The following COLEC12 variants were observed in gnomAD, a reference collection of about 807,000 sequenced individuals.
COLEC12 encodes collectin subfamily member 12, also known as collectin-12.
Under a neutral mutation model 71.1 loss-of-function variants are expected in COLEC12, and 33 were observed. The observed-to-expected ratio is 0.46, with a 90% CI of 0.35 to 0.62. COLEC12 has a LOEUF of 0.62. Ranked by LOEUF, COLEC12 falls within the 20% of genes least tolerant of loss-of-function variation. The pLI, the probability that COLEC12 is intolerant of heterozygous loss-of-function variation, is 0.00. For synonymous variants in COLEC12, 350 were observed against 353.0 expected (o/e 0.99, Z 0.10); for missense variants, 765 against 916.1 (o/e 0.84, Z 2.13).
chr18:482,147 G>A (rs1207076961), intron 1 of COLEC12, among the ~76,000 whole-genome samples: 2 of 147,018 alleles, frequency 1.4e-5, no homozygotes, highest in African/African-American at 5.0e-5. Flanking sequence ...ATGGAATATC[G>A]CTCTGTTGCT....
intron 2 of COLEC12, among the ~76,000 whole-genome samples, chr18:444,019 C>T (rs189034115): frequency 2.0e-5 from 3 of 152,290 alleles, no homozygotes; most frequent in South Asian, 2.1e-4. Context: ...CGAGTGTTGT[C>T]GGTGCCATGC....
At chr18:427,448 G>A (rs765609745) in intron 2 of COLEC12, among the ~76,000 whole-genome samples, 40 of 152,200 alleles carry the variant, frequency 2.6e-4, no homozygotes, top group African/African-American at 8.2e-4. Context: ...TCAAGTCCAC[G>A]TTGATAGGTG....
chr18:366,193 A>T (rs879768096), intron 2 of COLEC12, among the ~76,000 whole-genome samples: 3 of 152,216 alleles, frequency 2.0e-5, no homozygotes, highest in Admixed American at 6.5e-5. Context: ...ATGCTATAGT[A>T]AAAACAAGGC....
intron 2 of COLEC12, among the ~76,000 whole-genome samples, chr18:381,442 C>A (rs2143561859): frequency 6.6e-6 from 1 of 152,064 alleles, no homozygotes; most frequent in South Asian, 2.1e-4. Flanking sequence ...TCACACTGTA[C>A]CCCATCAATA....
chr18:399,447 T>C lies in COLEC12; in HGVS notation c.59-41925A>G, dbSNP rs7228167. On this transcript the variant is annotated intron_variant, in intron 2 of 9. Transcript: ENST00000400256. The surrounding 1 kb of genome is among the most constrained non-coding windows in gnomAD (Gnocchi z 4.0). ...TGGAATCCTTCCTTGTCAAACCAGCTCCAAGAGCAGGCCACACTCTGCTGT... is the reference window on the plus strand; with the variant it reads ...TGGAATCCTTCCTTGTCAAACCAGCCCCAAGAGCAGGCCACACTCTGCTGT... Among the ~76,000 whole-genome samples, 46,792 of 152,058 alleles carry C rather than the reference T, an allele frequency of 0.31. 9,013 individuals are homozygous for C. The highest frequency in any genetic ancestry group is 0.56 in the South Asian group (2,713 of 4,824).
intron 2 of COLEC12, among the ~76,000 whole-genome samples, chr18:472,199 C>T (rs577942397): frequency 3.9e-5 from 6 of 152,238 alleles, no homozygotes; most frequent in East Asian, 1.9e-4. Flanking sequence ...GCTACTCACT[C>T]GTAACTGGCA....
intron 2 of COLEC12, among the ~76,000 whole-genome samples, chr18:414,329 C>T (rs2143641499): frequency 6.6e-6 from 1 of 152,266 alleles, no homozygotes; most frequent in Non-Finnish European, 1.5e-5. Context: ...GTGGCTCACA[C>T]CTGTAATCCT....
chr18:399,346 G>A lies in COLEC12; in HGVS notation c.59-41824C>T, dbSNP rs1432110367. Among the ~76,000 whole-genome samples, 1 of 152,210 alleles carries A rather than the reference G, an allele frequency of 6.6e-6. No individual in the cohort carries two copies. Among genetic ancestry groups the A allele is most frequent in the African/African-American group, 2.4e-5 (1 of 41,446 alleles). On this transcript the variant is annotated intron_variant, in intron 2 of 9. Coordinates refer to ENST00000400256, the MANE Select transcript of COLEC12 (RefSeq NM_130386.3). This position sits in a 1 kb window ranked among gnomAD's most constrained non-coding sequence, Gnocchi z 4.0. Reference sequence around the variant, plus strand: ...CAAGGGCCAGGAAAGCAGGCCAGACGAGAGGCTTTTTGGAAGGGTTCTCAT... The same window carrying A: ...CAAGGGCCAGGAAAGCAGGCCAGACAAGAGGCTTTTTGGAAGGGTTCTCAT...
At chr18:421,072 AACAAAGCCAC>A (rs1916089647) in intron 2 of COLEC12, among the ~76,000 whole-genome samples, 1 of 152,208 alleles carries the variant, frequency 6.6e-6, no homozygotes, top group Admixed American at 6.5e-5. Context: ...AAAGGCAGTG[AACAAAGCCAC>A]ACAGCTTTAA....
chr18:321,975 C>T (rs1913717026), intron 8 of COLEC12, among the ~76,000 whole-genome samples, 168 bp from the exon 9 acceptor site: 1 of 152,190 alleles, frequency 6.6e-6, no homozygotes. Flanking sequence ...AAAGGAGCAG[C>T]TGTTTTGCAG....
chr18:476,259 T>C (rs1457068781), intron 2 of COLEC12, among the ~76,000 whole-genome samples: 1 of 152,230 alleles, frequency 6.6e-6, no homozygotes, highest in East Asian at 1.9e-4. Flanking sequence ...GAATGCTTCC[T>C]TTTACTTTCT....
chr18:411,068 C>T (rs566316070), intron 2 of COLEC12, among the ~76,000 whole-genome samples: 19 of 152,190 alleles, frequency 1.2e-4, no homozygotes, highest in African/African-American at 3.6e-4. Flanking sequence ...AAGAACCACA[C>T]GGAGAGCTGG....
intron 5 of COLEC12, among the ~76,000 whole-genome samples, chr18:345,233 T>G (rs559030706): frequency 2.0e-5 from 3 of 152,362 alleles, no homozygotes; most frequent in Admixed American, 6.5e-5. Flanking sequence ...ACTTAAAACC[T>G]GTGAAAATAG....
At chr18:471,803 C>A (rs1917203949) in intron 2 of COLEC12, among the ~76,000 whole-genome samples, 1 of 151,974 alleles carries the variant, frequency 6.6e-6, no homozygotes, top group Non-Finnish European at 1.5e-5. Context: ...AACCATTCCT[C>A]CCCAAGTAAT....
intron 5 of COLEC12, among the ~76,000 whole-genome samples, chr18:338,546 C>T (rs1235842373): frequency 2.0e-5 from 3 of 152,200 alleles, no homozygotes; most frequent in African/African-American, 4.8e-5. Flanking sequence ...TCCAGTGGGT[C>T]TCCACATCCA....
At chr18:368,833 T>C (rs961801460) in intron 2 of COLEC12, among the ~76,000 whole-genome samples, 41 of 152,150 alleles carry the variant, frequency 2.7e-4, no homozygotes, top group Non-Finnish European at 5.1e-4. Context: ...GTCACTGCAC[T>C]CCAGCCTGGG....
chr18:463,463 A>G (rs913825288), intron 2 of COLEC12, among the ~76,000 whole-genome samples: 1 of 152,222 alleles, frequency 6.6e-6, no homozygotes, highest in African/African-American at 2.4e-5. Flanking sequence ...ACACACACAC[A>G]GAGAGAAAAA....
chr18:430,657 C>A (rs1032307504), intron 2 of COLEC12, among the ~76,000 whole-genome samples: 2 of 152,142 alleles, frequency 1.3e-5, no homozygotes, highest in African/African-American at 4.8e-5. Flanking sequence ...ACCGAAAAGT[C>A]AATTTTAATT....
In COLEC12 at chr18:408,512, G is replaced by A. The variant is rs113775086; in HGVS notation, c.59-50990C>T. Among the ~76,000 whole-genome samples, 590 of 151,978 alleles carry A rather than the reference G, an allele frequency of 3.9e-3. 2 individuals are homozygous for A. Among genetic ancestry groups the A allele is most frequent in the African/African-American group, 0.013 (549 of 41,426 alleles). On this transcript the variant is annotated intron_variant, in intron 2 of 9. Transcript: ENST00000400256. The surrounding 1 kb of genome is among the most constrained non-coding windows in gnomAD (Gnocchi z 4.3). ...AAAAAAAATGTCAGATTTTGAACTT[G>A]GAAAGGAATGAAGGCAAGATTAAGC...
Sources: gnomAD v4.1 joint callset for allele counts (sites outside exome capture counted in the v4.1 genomes callset) on GRCh38, gnomAD v4.1.1 for gene constraint, Gnocchi (gnomAD v3.1) non-coding constraint, MANE v1.5 for transcripts, NCBI Gene and HGNC (gene_info 2026-07-23, HGNC 2026-07-21) for gene names.